MED12: variants seen among roughly 807,000 people sequenced by gnomAD.
MED12 encodes mediator complex subunit 12.
A neutral mutation model predicts 177.7 loss-of-function variants in MED12; 10 were observed. The ratio of observed to expected loss-of-function variants is 0.06; its 90% CI spans 0.03 to 0.10. MED12 has a LOEUF of 0.10. MED12 is among the 10% of genes least tolerant of loss of function. MED12 has a pLI of 1.00. For missense variants in MED12, 867 were observed against 1,780.8 expected (o/e 0.49, Z 9.23); for synonymous variants, 641 against 678.4 (o/e 0.94, Z 0.86).
chrX:71,133,274 GC>G, intron 33 of MED12, 62 bp downstream of exon 33: 1 of 807,335 alleles, frequency 1.2e-6, no homozygotes, highest in Non-Finnish European at 1.9e-6. Flanking sequence ...GAGTGCAAAA[GC>G]CTCAGGTTGG....
chrX:71,132,832 C>G lies in MED12; in HGVS notation c.4416-13C>G. Reference sequence around the variant, plus strand: ...TCTCTTCTCTTCTCTTCTCTTCTTTCTCTTGTCTCTAGCATGTCCCTATTG... The same window carrying G: ...TCTCTTCTCTTCTCTTCTCTTCTTTGTCTTGTCTCTAGCATGTCCCTATTG... On this transcript the variant is annotated splice_polypyrimidine_tract_variant and intron_variant, in intron 31 of 44. Coordinates refer to ENST00000374080, the MANE Select transcript of MED12 (RefSeq NM_005120.3). The G allele has an allele frequency of 2.0e-6, 2 of 996,454 alleles. No individual in the cohort carries two copies. Among genetic ancestry groups the G allele is most frequent in the Non-Finnish European group, 2.7e-6 (2 of 731,398 alleles). The allele number at this position is 996,454 out of a possible 1,213,427, so 82.1% of individuals were successfully genotyped here.
At chrX:71,140,490 C>T in intron 41 of MED12, 145 bp from the exon 42 acceptor site, 1 of 1,025,907 alleles carries the variant, frequency 9.7e-7, no homozygotes, top group Non-Finnish European at 1.3e-6. Context: ...CAACTTATTC[C>T]CCAGACTGGA....
At chrX:71,133,887 C>T (rs2092324945) in intron 33 of MED12, among the ~76,000 whole-genome samples, 1 of 110,918 alleles carries the variant, frequency 9.0e-6, no homozygotes, top group Non-Finnish European at 1.9e-5. Flanking sequence ...GGCCTAGAGA[C>T]GTCAAGAATT....
chrX:71,130,730 A>C (rs1362486308), intron 28 of MED12, among the ~76,000 whole-genome samples: 1 of 112,776 alleles, frequency 8.9e-6, no homozygotes, highest in Non-Finnish European at 1.9e-5. Context: ...GTTTAGAGTC[A>C]ATATGTGAAC....
intron 4 of MED12, among the ~76,000 whole-genome samples, chrX:71,120,583 AG>A (rs2092286738): frequency 9.3e-6 from 1 of 107,146 alleles, no homozygotes; most frequent in Non-Finnish European, 1.9e-5. Flanking sequence ...TATGGTGATT[AG>A]GGGTGGGGGT....
chrX:71,128,743 A>C, intron 24 of MED12, 25 bp downstream of exon 24: 2 of 1,201,870 alleles, frequency 1.7e-6, no homozygotes, highest in Non-Finnish European at 2.2e-6. Flanking sequence ...TGTAACCCCT[A>C]GCATTTCTAG....
rs753751305 is a variant in MED12 at position 71,127,980 on chromosome X, C to G, written c.3069C>G (p.Ile1023Met). Residue 1023 changes from isoleucine to methionine, a missense_variant, in exon 22 of 45, where the codon ATC (isoleucine) becomes ATG (methionine). Transcript: ENST00000374080. ...TGCGCTGGGCACCTGAGTTCATGAT[C>G]GACACTCTAGAGAACCCTGCAGCTC... is the stretch of plus-strand genomic sequence containing the variant. Reference protein sequence around the residue: ...SNMRWAPEFMIDTLENPAAHT... With the variant: ...SNMRWAPEFMMDTLENPAAHT... The G allele has an allele frequency of 8.3e-7, 1 of 1,210,796 alleles. No homozygotes were observed. The highest frequency in any genetic ancestry group is 3.0e-5 in the East Asian group (1 of 33,844).
intron 33 of MED12, among the ~76,000 whole-genome samples, chrX:71,133,999 G>A (rs771732745): frequency 9.1e-6 from 1 of 110,276 alleles, no homozygotes; most frequent in East Asian, 2.9e-4. Flanking sequence ...GGAGGCCGAG[G>A]TGGGCGGATC....
rs201254124 is a variant in MED12, at chrX:71,136,662, G to T, written c.5400+7G>T. 1.7e-6 allele frequency: 2 copies of T among 1,206,956 alleles called. No homozygotes were observed. Among genetic ancestry groups the T allele is most frequent in the South Asian group, 1.8e-5 (1 of 56,295 alleles). ...GCCAGCTACCAAGACAGAGGTGAGCGCCTCCCCCGTGACAGTTCTCCCACA... is the reference window on the plus strand; with the variant it reads ...GCCAGCTACCAAGACAGAGGTGAGCTCCTCCCCCGTGACAGTTCTCCCACA... On this transcript the variant is annotated splice_region_variant and intron_variant, in intron 37 of 44. Transcript: ENST00000374080.
At chrX:71,127,239 C>G in intron 20 of MED12, 97 bp from the exon 21 acceptor site, 1 of 1,163,332 alleles carries the variant, frequency 8.6e-7, no homozygotes. Context: ...ACCTGCTGCT[C>G]AGGTGGGAAA....
Position 71,124,296 on chromosome X carries a change from G to C in MED12, c.1882G>C (p.Ala628Pro). ...LISRGDLAFG[A>P]PGPRPPSPFD... ...CTCCCGAGGGGACCTTGCCTTTGGA[G>C]CCCCTGGTCCCCGGCCTCCCTCTCC... is the stretch of plus-strand genomic sequence containing the variant. Residue 628 changes from alanine (A) to proline (P), a missense_variant, in exon 13 of 45, where the codon GCC (alanine) becomes CCC (proline). Transcript: ENST00000374080. 2 of 1,210,358 alleles carry C rather than the reference G, an allele frequency of 1.7e-6. No individual in the cohort carries two copies. Among genetic ancestry groups the C allele is most frequent in the Non-Finnish European group, 2.2e-6 (2 of 894,340 alleles).
intron 39 of MED12, 54 bp from the exon 40 acceptor site, chrX:71,137,499 AGAGAT>A: frequency 8.6e-7 from 1 of 1,156,302 alleles, no homozygotes; most frequent in Non-Finnish European, 1.2e-6. Context: ...GGGAGACACA[AGAGAT>A]GAGATGGCAG....
At chrX:71,131,709 C>T in intron 29 of MED12, 88 bp downstream of exon 29, 1 of 935,517 alleles carries the variant, frequency 1.1e-6, no homozygotes, top group Non-Finnish European at 1.5e-6. Context: ...AACCTAGATC[C>T]TACCCTTGGG....
Position 71,125,092 on chromosome X carries a change from T to C in MED12, c.2172T>C (p.Val724=), listed in dbSNP as rs187478018. 5.0e-6 allele frequency: 6 copies of C among 1,208,734 alleles called. No individual in the cohort carries two copies. In the Admixed American group the frequency reaches 1.3e-4, roughly 27 times the overall value. ...PKEKIEGTLG[V]LYDQPRHVQY... Reference sequence around the variant, plus strand: ...AGAAGATTGAAGGGACCCTTGGGGTTCTTTACGACCAGCCACGACACGTGC... The same window carrying C: ...AGAAGATTGAAGGGACCCTTGGGGTCCTTTACGACCAGCCACGACACGTGC... The change falls in exon 15 of 45, where the codon GTT becomes GTC. Residue 724 remains valine, a synonymous_variant. Transcript: ENST00000374080.
In MED12 at chrX:71,140,782, G is replaced by GCAGCAGCAACAGCAA. The variant is rs2147839624; in HGVS notation, c.6201_6215dup (p.Gln2072_Gln2076dup). 8.3e-7 allele frequency: 1 copy of GCAGCAGCAACAGCAA among 1,209,557 alleles called. No individual in the cohort carries two copies. The highest frequency in any genetic ancestry group is 3.0e-5 in the East Asian group (1 of 33,801). On this transcript the variant is annotated inframe_insertion, in exon 42 of 45. Transcript: ENST00000374080. ...AACAGCAGCAACAGCAACAGCAGCA[G>GCAGCAGCAACAGCAA]CAGCAGCAACAGCAACAGCAGCAGC...
intron 28 of MED12, among the ~76,000 whole-genome samples, chrX:71,131,125 C>CTTTTTTTTT: frequency 1.2e-5 from 1 of 80,256 alleles, no homozygotes; most frequent in Non-Finnish European, 2.3e-5. Context: ...TAAATGTAGT[C>CTTTTTTTTT]TTTTTTTTTT....
rs1389138246 is a variant in MED12 at position 71,129,146 on chromosome X, C to T, written c.3508C>T (p.Arg1170Trp). The T allele has an allele frequency of 1.7e-6, 2 of 1,210,765 alleles. No homozygotes were observed. Among genetic ancestry groups the T allele is most frequent in the Non-Finnish European group, 2.2e-6 (2 of 894,789 alleles). The change falls in exon 25 of 45, where the codon CGG becomes TGG. Residue 1170 changes from arginine to tryptophan, a missense_variant. Coordinates refer to ENST00000374080, the MANE Select transcript of MED12 (RefSeq NM_005120.3). ...CSEQDSEPGA[R>W]LTCRILLHLF... ...TGAACAGGACTCTGAGCCAGGGGCC[C>T]GGCTTACCTGCCGCATCCTCCTTCA... is the stretch of plus-strand genomic sequence containing the variant.
In MED12 at chrX:71,128,624, G is replaced by T. The variant is rs369946933; in HGVS notation, c.3381G>T (p.Ser1127=). The change falls in exon 24 of 45, where the codon TCG becomes TCT. Residue 1127 remains serine (S), a synonymous_variant. Coordinates refer to ENST00000374080, the MANE Select transcript of MED12 (RefSeq NM_005120.3). ...VDVSDLSFHD[S]LATFVAILIA... is the part of the protein sequence containing the mutation. ...TCAGTGACCTATCTTTTCATGACTC[G>T]CTGGCTACTTTTGTTGCCATCCTCA... 11 of 1,208,801 alleles carry T rather than the reference G, an allele frequency of 9.1e-6. No individual in the cohort carries two copies. The East Asian group carries it at 2.1e-4, about 23-fold the overall frequency.
At chrX:71,130,788 G>C (rs2092314953) in intron 28 of MED12, among the ~76,000 whole-genome samples, 1 of 112,596 alleles carries the variant, frequency 8.9e-6, no homozygotes, top group Non-Finnish European at 1.9e-5. Flanking sequence ...CACACCTTCA[G>C]ATGACCAGAG....
Sources: gnomAD v4.1 joint callset for allele counts (sites outside exome capture counted in the v4.1 genomes callset) on GRCh38, gnomAD v4.1.1 for gene constraint, MANE v1.5 for transcripts, NCBI Gene and HGNC (gene_info 2026-07-23, HGNC 2026-07-21) for gene names.